The following PDXDC1 variants were observed in gnomAD, a reference collection of about 807,000 sequenced individuals.
PDXDC1 encodes the protein pyridoxal-dependent decarboxylase domain-containing protein 1.
PDXDC1 carries 42 observed loss-of-function variants against 100.1 expected under a neutral mutation model. The ratio of observed to expected loss-of-function variants is 0.42; its 90% CI spans 0.33 to 0.54. The LOEUF (loss-of-function observed/expected upper bound fraction) is 0.54. PDXDC1 is among the 20% of genes least tolerant of loss of function. The pLI is 0.10. For missense variants in PDXDC1, 636 were observed against 979.2 expected (o/e 0.65, Z 4.68); for synonymous variants, 260 against 371.7 (o/e 0.70, Z 3.46).
intron 9 of PDXDC1, chr16:15,016,501 G>A: frequency 1.4e-6 from 1 of 701,900 alleles, no homozygotes; most frequent in South Asian, 2.7e-5. Context: ...CTCTATCTGT[G>A]GACAGATCTT....
In PDXDC1 at chr16:15,094,385, C is replaced by T; in HGVS notation, c.1400-44494C>T. On this transcript the variant is annotated intron_variant, in intron 16 of 16. Transcript: ENST00000535621. Reference sequence around the variant, plus strand: ...GGCGTATGCTCTCGGCGGGCTAGAGCGCCGCTGAAACCCGCTCCTCGTTCT... The same window carrying T: ...GGCGTATGCTCTCGGCGGGCTAGAGTGCCGCTGAAACCCGCTCCTCGTTCT... 1.0e-5 allele frequency: 7 copies of T among 699,836 alleles called. No individual in the cohort carries two copies. The South Asian group carries it at 1.2e-4, about 12-fold the overall frequency. The allele number at this position is 699,836 out of a possible 1,614,324, so 43.4% of individuals were successfully genotyped here.
At chr16:15,059,794 TG>T in intron 16 of PDXDC1, among the ~76,000 whole-genome samples, 1 of 152,268 alleles carries the variant, frequency 6.6e-6, no homozygotes, top group Non-Finnish European at 1.5e-5. Context: ...CTGCTTCCCT[TG>T]GACCTGCTCA....
intron 1 of PDXDC1, among the ~76,000 whole-genome samples, chr16:14,995,148 A>G (rs936082612): frequency 6.6e-6 from 1 of 152,292 alleles, no homozygotes; most frequent in Non-Finnish European, 1.5e-5. Flanking sequence ...CTCCTGCCTC[A>G]TTGCCCTGGC....
intron 5 of PDXDC1, among the ~76,000 whole-genome samples, chr16:15,005,991 A>T (rs1328051646): frequency 6.6e-6 from 1 of 152,286 alleles, no homozygotes; most frequent in African/African-American, 2.4e-5. Context: ...CCCAGCCTCT[A>T]ACTAGCATTT....
At chr16:15,039,812 A>C (rs2043727072), downstream of PDXDC1, among the ~76,000 whole-genome samples, 1 of 152,226 alleles carries the variant, frequency 6.6e-6, no homozygotes, top group South Asian at 2.1e-4. Flanking sequence ...TGAGACAGCA[A>C]GTGTGGGGAG....
chr16:15,095,119 T>C (rs961032136), intron 16 of PDXDC1, among the ~76,000 whole-genome samples: 11 of 151,946 alleles, frequency 7.2e-5, no homozygotes, highest in Non-Finnish European at 1.3e-4. Context: ...ATTACAAGCA[T>C]GAGCCACCAC....
intron 1 of PDXDC1, among the ~76,000 whole-genome samples, chr16:14,984,620 C>G (rs1968901018): frequency 6.6e-6 from 1 of 151,762 alleles, no homozygotes; most frequent in Non-Finnish European, 1.5e-5. Flanking sequence ...GCCTCAGCCT[C>G]CTGAGTAGCT....
chr16:15,092,679 T>C, intron 16 of PDXDC1: 1 of 1,066,560 alleles, frequency 9.4e-7, no homozygotes, highest in South Asian at 1.3e-5. Flanking sequence ...ATAGCCAACA[T>C]TTATTGAACC....
intron 16 of PDXDC1, among the ~76,000 whole-genome samples, chr16:15,089,148 CA>C (rs1370590660): frequency 3.3e-5 from 5 of 151,616 alleles, no homozygotes; most frequent in Non-Finnish European, 7.4e-5. Flanking sequence ...ACTGAAAATA[CA>C]AAAAAATTAG....
At chr16:14,984,876 A>AT (rs1243617899) in intron 1 of PDXDC1, among the ~76,000 whole-genome samples, 43 of 150,844 alleles carry the variant, frequency 2.9e-4, no homozygotes, top group South Asian at 2.7e-3. Context: ...AAAAGATGAA[A>AT]TTTTTTTTTT....
At chr16:15,123,782 A>AT in intron 16 of PDXDC1, among the ~76,000 whole-genome samples, 1 of 115,972 alleles carries the variant, frequency 8.6e-6, no homozygotes, top group East Asian at 2.4e-4. Context: ...GTGCCCTTAT[A>AT]AGACATAAAC....
Position 15,065,260 on chromosome 16 carries a change from C to T in PDXDC1, c.1399+35204C>T, listed in dbSNP as rs144204174. On this transcript the variant is annotated intron_variant, in intron 16 of 16. Coordinates refer to the PDXDC1 transcript ENST00000535621. ...GATCAAAGGGGAAGAAGGTGTCCAG[C>T]GGGTTTGTGCAGATCTGCACTGAGT... The T allele has an allele frequency of 5.6e-5, 90 of 1,613,600 alleles. 1 individual carries two copies. Among genetic ancestry groups the T allele is most frequent in the South Asian group, 1.2e-4 (11 of 91,064 alleles).
At chr16:15,080,020 A>G (rs757200180) in intron 16 of PDXDC1, 22 of 1,598,662 alleles carry the variant, frequency 1.4e-5, no homozygotes, top group Middle Eastern at 3.3e-4. Context: ...TAGTTTTTCA[A>G]TAATAAGCTC....
intron 16 of PDXDC1, among the ~76,000 whole-genome samples, chr16:15,068,597 A>G (rs997724300): frequency 6.6e-6 from 1 of 152,208 alleles, no homozygotes; most frequent in Non-Finnish European, 1.5e-5. Context: ...AGAGGGAGAA[A>G]AGACCTTGTG....
intron 16 of PDXDC1, chr16:15,134,080 G>A (rs1428318191): frequency 2.5e-6 from 4 of 1,569,182 alleles, no homozygotes; most frequent in African/African-American, 2.7e-5. Context: ...CACCGCTGCA[G>A]GCAGAAGGGG....
chr16:15,021,139 G>A (rs2042172390), intron 12 of PDXDC1, among the ~76,000 whole-genome samples: 1 of 152,292 alleles, frequency 6.6e-6, no homozygotes, highest in Non-Finnish European at 1.5e-5. Context: ...CACTTTGGGA[G>A]GCCAAGGCAG....
intron 16 of PDXDC1, among the ~76,000 whole-genome samples, chr16:15,051,478 T>C (rs1236024409): frequency 6.7e-6 from 1 of 149,982 alleles, no homozygotes; most frequent in Non-Finnish European, 1.5e-5. Flanking sequence ...CCCAAGGAGC[T>C]GGGAACTACA....
At chr16:15,102,028 G>A (rs1023158331) in intron 16 of PDXDC1, among the ~76,000 whole-genome samples, 35 of 152,014 alleles carry the variant, frequency 2.3e-4, no homozygotes, top group Non-Finnish European at 2.8e-4. Context: ...TTGTATTTTT[G>A]GTAGAGACAG....
intron 21 of PDXDC1, among the ~76,000 whole-genome samples, chr16:15,035,242 C>G (rs1176380147): frequency 6.6e-6 from 1 of 152,228 alleles, no homozygotes; most frequent in Non-Finnish European, 1.5e-5. Context: ...TTACGCCATA[C>G]TGCTGGCGGA....
Sources: gnomAD v4.1 joint callset for allele counts (sites outside exome capture counted in the v4.1 genomes callset) on GRCh38, gnomAD v4.1.1 for gene constraint, MANE v1.5 for transcripts, NCBI Gene and HGNC (gene_info 2026-07-23, HGNC 2026-07-21) for gene names.